The following STK3 variants were observed in gnomAD, a reference collection of about 807,000 sequenced individuals.
STK3 encodes the protein serine/threonine kinase 3, also known as serine/threonine-protein kinase 3.
STK3 carries 41 observed loss-of-function variants against 58.0 expected under a neutral mutation model. The ratio of observed to expected loss-of-function variants is 0.71; its 90% CI spans 0.55 to 0.92. STK3 has a LOEUF of 0.92. Ranked by LOEUF, STK3 falls within the 40% of genes least tolerant of loss-of-function variation. The pLI is 0.00. For synonymous variants in STK3, 170 were observed against 191.0 expected, an observed-to-expected ratio of 0.89 and a Z score of 0.91; for missense variants, 479 against 602.7, an observed-to-expected ratio of 0.79 and a Z score of 2.15.
chr8:98,585,593 C>G (rs1300466333), intron 7 of STK3, among the ~76,000 whole-genome samples: 1 of 148,208 alleles, frequency 6.7e-6, no homozygotes, highest in Non-Finnish European at 1.5e-5. Context: ...TTTTTTGGTT[C>G]CATATGAACT....
intron 1 of STK3, among the ~76,000 whole-genome samples, chr8:98,796,812 T>C (rs1040897462): frequency 6.6e-6 from 1 of 152,170 alleles, no homozygotes; most frequent in African/African-American, 2.4e-5. Context: ...GAACAAACTT[T>C]CATCAAAAGA....
chr8:98,770,030 A>T (rs2131461308), intron 2 of STK3, among the ~76,000 whole-genome samples: 1 of 152,354 alleles, frequency 6.6e-6, no homozygotes, highest in South Asian at 2.1e-4. Context: ...CTAACAATAA[A>T]GAGAAGTACC....
intron 10 of STK3, among the ~76,000 whole-genome samples, chr8:98,523,422 T>G (rs1825517330): frequency 6.6e-6 from 1 of 151,048 alleles, no homozygotes; most frequent in Non-Finnish European, 1.5e-5. Flanking sequence ...TCACCCAGGC[T>G]GGAGTGCAAT....
intron 1 of STK3, among the ~76,000 whole-genome samples, chr8:98,893,508 G>GAAAGAAAGAAAGAAAA (rs1838326908): frequency 1.7e-5 from 2 of 119,258 alleles, no homozygotes; most frequent in African/African-American, 6.2e-5. Context: ...AAGAAAGAAA[G>GAAAGAAAGAAAGAAAA]AAAGAAAGAA....
intron 10 of STK3, among the ~76,000 whole-genome samples, chr8:98,478,129 C>T (rs1056070732): frequency 6.6e-6 from 1 of 151,998 alleles, no homozygotes; most frequent in Non-Finnish European, 1.5e-5. Context: ...CTCAATGTAG[C>T]GGAAATTTGA....
At chr8:98,645,678 T>G (rs539152715) in intron 6 of STK3, among the ~76,000 whole-genome samples, 101 of 152,280 alleles carry the variant, frequency 6.6e-4, no homozygotes, top group African/African-American at 2.3e-3. Flanking sequence ...AATACAAAGT[T>G]GATATTCAGT....
intron 8 of STK3, among the ~76,000 whole-genome samples, chr8:98,578,809 A>G (rs951712308): frequency 2.6e-5 from 4 of 152,200 alleles, no homozygotes; most frequent in African/African-American, 7.2e-5. Context: ...AAAAAAATAT[A>G]TAACTTGAAA....
chr8:98,465,485 TTCATGTATTTTAGCCA>T (rs1346952275), intron 10 of STK3, among the ~76,000 whole-genome samples: 1 of 152,232 alleles, frequency 6.6e-6, no homozygotes, highest in Non-Finnish European at 1.5e-5. Flanking sequence ...TTATAAGCTA[TTCATGTATTTTAGCCA>T]TCACTGGCCA....
upstream of STK3, among the ~76,000 whole-genome samples, chr8:98,826,212 T>C (rs564514719): frequency 6.6e-6 from 1 of 152,330 alleles, no homozygotes; most frequent in African/African-American, 2.4e-5. Context: ...CAACGACACA[T>C]CCTAACATCG....
intron 3 of STK3, chr8:98,413,437 C>T: frequency 1.7e-6 from 1 of 575,848 alleles, no homozygotes; most frequent in Non-Finnish European, 3.4e-6. Context: ...TTCCTGGGGT[C>T]CAGAGTCTTG....
chr8:98,412,637 C>T (rs1818069836), intron 3 of STK3, among the ~76,000 whole-genome samples: 1 of 152,194 alleles, frequency 6.6e-6, no homozygotes, highest in Admixed American at 6.5e-5. Context: ...GCTCCTGTTT[C>T]TTAAAGCAGT....
upstream of STK3, among the ~76,000 whole-genome samples, chr8:98,389,659 A>G (rs925128463): frequency 6.6e-6 from 1 of 151,502 alleles, no homozygotes; most frequent in Non-Finnish European, 1.5e-5. Context: ...GACAGCAAGC[A>G]TACCTGTGGA....
intron 1 of STK3, chr8:98,904,659 G>A: frequency 1.6e-6 from 1 of 640,170 alleles, no homozygotes; most frequent in South Asian, 1.4e-5. Flanking sequence ...GCCATGTCGT[G>A]TAGAGAATTC....
intron 8 of STK3, among the ~76,000 whole-genome samples, 159 bp downstream of exon 8, chr8:98,579,505 T>C (rs1475135904): frequency 6.6e-6 from 1 of 152,176 alleles, no homozygotes; most frequent in Admixed American, 6.5e-5. Flanking sequence ...CAGAAAAAGA[T>C]AGCAAACATA....
chr8:98,514,894 C>T (rs1274962006), intron 10 of STK3, among the ~76,000 whole-genome samples: 1 of 152,070 alleles, frequency 6.6e-6, no homozygotes, highest in Non-Finnish European at 1.5e-5. Flanking sequence ...TCCACACACA[C>T]CCAGTCTCTA....
chr8:98,525,721 T>G (rs2131477024), intron 10 of STK3, among the ~76,000 whole-genome samples: 1 of 152,194 alleles, frequency 6.6e-6, no homozygotes, highest in South Asian at 2.1e-4. Flanking sequence ...TAGCAATTAG[T>G]ACTAAATTTA....
intron 9 of STK3, among the ~76,000 whole-genome samples, chr8:98,547,767 T>C (rs1217849716): frequency 6.6e-6 from 1 of 152,152 alleles, no homozygotes; most frequent in Non-Finnish European, 1.5e-5. Context: ...TAACTCTAAG[T>C]TGAAGATGTG....
intron 6 of STK3, among the ~76,000 whole-genome samples, chr8:98,685,789 A>G (rs1010065598): frequency 4.6e-5 from 7 of 152,244 alleles, no homozygotes; most frequent in African/African-American, 1.7e-4. Flanking sequence ...AACCAAAGGT[A>G]GAGAGGGGGG....
chr8:98,799,043 A>G (rs1833355639), intron 1 of STK3, among the ~76,000 whole-genome samples: 1 of 152,208 alleles, frequency 6.6e-6, no homozygotes, highest in Admixed American at 6.5e-5. Context: ...CTTTAGAACC[A>G]TGAGTAAATA....
Sources: gnomAD v4.1 joint callset for allele counts (sites outside exome capture counted in the v4.1 genomes callset) on GRCh38, gnomAD v4.1.1 for gene constraint, MANE v1.5 for transcripts, NCBI Gene and HGNC (gene_info 2026-07-23, HGNC 2026-07-21) for gene names.